The following EXOC4 variants were observed in gnomAD, a reference collection of about 807,000 sequenced individuals.
EXOC4 encodes the protein SEC8-like 1.
A neutral mutation model predicts 107.2 loss-of-function variants in EXOC4; 71 were observed. That is an observed-to-expected ratio of 0.66 (90% CI 0.55 to 0.81). EXOC4 has a LOEUF of 0.81. EXOC4 is among the 30% of genes least tolerant of loss of function. EXOC4 has a pLI of 0.00. For synonymous variants in EXOC4, 456 were observed against 441.2 expected, an observed-to-expected ratio of 1.03 and a Z score of -0.42; for missense variants, 1,108 against 1,189.6, an observed-to-expected ratio of 0.93 and a Z score of 1.01.
chr7:133,605,570 A>G (rs2150991061), intron 9 of EXOC4, among the ~76,000 whole-genome samples: 1 of 152,342 alleles, frequency 6.6e-6, no homozygotes. Flanking sequence ...GTATAGCATG[A>G]GTCAGTACTT....
At position 133,965,394 on chromosome 7, in the gene EXOC4, G is replaced by C. The variant is rs137960194; in HGVS notation, c.2206+27325G>C. 2.4e-3 allele frequency among the ~76,000 whole-genome samples: 368 copies of C among 152,294 alleles called. 5 individuals carry two copies. The highest frequency in any genetic ancestry group is 8.3e-3 in the African/African-American group (344 of 41,558). The stretch of plus-strand genomic sequence containing the variant: ...TTGCTTTTGGTGTTTTAGTCATGAA[G>C]TCTTTGCCAATGCCTATGTCCTGAA... On this transcript the variant is annotated intron_variant, in intron 14 of 17. Coordinates refer to ENST00000253861, the MANE Select transcript of EXOC4 (RefSeq NM_021807.4).
chr7:133,653,212 T>G (rs934173035), intron 10 of EXOC4, among the ~76,000 whole-genome samples: 91 of 152,320 alleles, frequency 6.0e-4, no homozygotes, highest in African/African-American at 2.1e-3. Context: ...AATATTAATA[T>G]GTTATATTAG....
intron 10 of EXOC4, among the ~76,000 whole-genome samples, chr7:133,804,792 C>T (rs907251868): frequency 2.6e-5 from 4 of 152,154 alleles, no homozygotes; most frequent in African/African-American, 7.2e-5. Context: ...CTTAAAAATT[C>T]CTCATTGATA....
chr7:133,359,208 A>G (rs1227958484), intron 6 of EXOC4, among the ~76,000 whole-genome samples: 2 of 152,320 alleles, frequency 1.3e-5, no homozygotes, highest in East Asian at 1.9e-4. Context: ...GCTAGTCTCT[A>G]GTGGTTATGT....
intron 9 of EXOC4, among the ~76,000 whole-genome samples, chr7:133,539,440 T>G (rs1179619685): frequency 6.6e-6 from 1 of 152,160 alleles, no homozygotes; most frequent in Non-Finnish European, 1.5e-5. Flanking sequence ...AACCTTAAAT[T>G]CAACTCAAAT....
At chr7:134,063,376 A>T (rs115241488) in intron 17 of EXOC4, among the ~76,000 whole-genome samples, 3,130 of 152,290 alleles carry the variant, frequency 0.021, 90 homozygotes, top group African/African-American at 0.065. Flanking sequence ...CTTATGGCAC[A>T]CAGAATATTC....
chr7:133,683,171 A>C (rs777670913), intron 10 of EXOC4, among the ~76,000 whole-genome samples: 1 of 152,136 alleles, frequency 6.6e-6, no homozygotes, highest in Non-Finnish European at 1.5e-5. Flanking sequence ...TATATTGCAT[A>C]GCTCATTCTA....
At chr7:133,593,092 C>G (rs1801588123) in intron 9 of EXOC4, among the ~76,000 whole-genome samples, 1 of 152,140 alleles carries the variant, frequency 6.6e-6, no homozygotes, top group African/African-American at 2.4e-5. Flanking sequence ...TTAGGCAAGT[C>G]TTTTGTTTTG....
Position 133,769,170 on chromosome 7 carries a change from C to T in EXOC4, c.1515-48155C>T, listed in dbSNP as rs148789244. Among the ~76,000 whole-genome samples, 457 of 152,054 alleles carry T rather than the reference C, an allele frequency of 3.0e-3. 2 individuals carry two copies. The highest frequency in any genetic ancestry group is 4.8e-3 in the Non-Finnish European group (326 of 67,936). ...CTCAATCCTGGTGCATAGTCATTTA[C>T]AAATAAGTTGGTTTCCACCATGGCA... On this transcript the variant is annotated intron_variant, in intron 10 of 17. Coordinates refer to ENST00000253861, the MANE Select transcript of EXOC4 (RefSeq NM_021807.4).
At chr7:133,791,957 A>G (rs1796711486) in intron 10 of EXOC4, among the ~76,000 whole-genome samples, 1 of 152,176 alleles carries the variant, frequency 6.6e-6, no homozygotes, top group African/African-American at 2.4e-5. Flanking sequence ...ATCATTGAAC[A>G]TTGTTTTTCA....
intron 10 of EXOC4, among the ~76,000 whole-genome samples, chr7:133,773,464 TTTATTATTA>T (rs141227227): frequency 5.4e-5 from 8 of 149,294 alleles, no homozygotes; most frequent in South Asian, 4.2e-4. Context: ...TTACTAGGTT[TTTATTATTA>T]TTATTATTAT....
At chr7:133,301,093 G>T (rs557748912) in intron 3 of EXOC4, among the ~76,000 whole-genome samples, 2 of 152,334 alleles carry the variant, frequency 1.3e-5, no homozygotes, top group East Asian at 3.9e-4. Flanking sequence ...AGACCTGGAG[G>T]CTTCTTGTGC....
chr7:134,078,412 G>A, the EXOC4 span, among the ~76,000 whole-genome samples: 11 of 151,938 alleles, frequency 7.2e-5, no homozygotes, highest in Admixed American at 7.2e-4. Context: ...CCTACAAGTT[G>A]CCACACATCC....
At chr7:133,401,508 A>T (rs1290339935) in intron 7 of EXOC4, among the ~76,000 whole-genome samples, 1 of 152,052 alleles carries the variant, frequency 6.6e-6, no homozygotes, top group South Asian at 2.1e-4. Flanking sequence ...CAAAAAATAA[A>T]AACATTAGCT....
At chr7:133,328,050 C>T (rs1000002035) in intron 5 of EXOC4, among the ~76,000 whole-genome samples, 8 of 152,230 alleles carry the variant, frequency 5.3e-5, no homozygotes, top group African/African-American at 1.9e-4. Context: ...TAAAAAGTCT[C>T]CAACTATTAT....
At chr7:133,569,956 C>G (rs983370690) in intron 9 of EXOC4, among the ~76,000 whole-genome samples, 1 of 152,128 alleles carries the variant, frequency 6.6e-6, no homozygotes, top group African/African-American at 2.4e-5. Flanking sequence ...CTGTTCGCCA[C>G]TAATTTTTAT....
At chr7:133,847,373 A>AT (rs1563024870) in intron 11 of EXOC4, among the ~76,000 whole-genome samples, 4 of 87,830 alleles carry the variant, frequency 4.6e-5, no homozygotes, top group Non-Finnish European at 8.1e-5. Context: ...CACTTCTTTT[A>AT]TTTTTTTAAT....
chr7:133,643,880 T>C (rs1400450131), intron 10 of EXOC4, among the ~76,000 whole-genome samples: 2 of 152,360 alleles, frequency 1.3e-5, no homozygotes, highest in East Asian at 3.9e-4. Flanking sequence ...ATGGCTGGTA[T>C]TGATGACTAC....
chr7:133,764,227 A>T (rs1446212710), intron 10 of EXOC4, among the ~76,000 whole-genome samples: 1 of 152,086 alleles, frequency 6.6e-6, no homozygotes, highest in Non-Finnish European at 1.5e-5. Context: ...TCAAACGTAC[A>T]GAAGTGAAAA....
Sources: allele counts gnomAD v4.1 joint callset (sites outside exome capture counted in the v4.1 genomes callset), GRCh38; gene constraint gnomAD v4.1.1; transcripts MANE v1.5; gene names NCBI Gene and HGNC (gene_info 2026-07-23, HGNC 2026-07-21).